The following TBC1D32 variants were observed in gnomAD, a reference collection of about 807,000 sequenced individuals.
TBC1D32 encodes the protein protein broad-minded.
In TBC1D32, 151 loss-of-function variants were observed where a neutral mutation model predicts 170.3. The observed-to-expected ratio is 0.89, with a 90% CI of 0.78 to 1.01. The LOEUF (loss-of-function observed/expected upper bound fraction) is 1.01. Among genes scored for constraint, TBC1D32 ranks in the 50% least tolerant of loss-of-function variants. The pLI, the probability that TBC1D32 is intolerant of heterozygous loss-of-function variation, is 0.00. For synonymous variants in TBC1D32, 498 were observed against 488.0 expected (o/e 1.02, Z -0.27); for missense variants, 1,464 against 1,457.1 (o/e 1.00, Z -0.08).
intron 11 of TBC1D32, 114 bp from the exon 12 acceptor site, chr6:121,292,307 T>C: frequency 1.9e-6 from 2 of 1,079,598 alleles, no homozygotes; most frequent in Non-Finnish European, 2.6e-6. Context: ...GAGACATTAC[T>C]GGTCAAAAAT....
At chr6:121,103,443 A>G (rs568508927) in intron 30 of TBC1D32, among the ~76,000 whole-genome samples, 2,189 of 152,030 alleles carry the variant, frequency 0.014, 68 homozygotes, top group African/African-American at 0.05. Context: ...AGGGACATGG[A>G]TGAAGCTGGA....
chr6:121,205,042 A>G, intron 22 of TBC1D32, 33 bp downstream of exon 22: 2 of 1,258,504 alleles, frequency 1.6e-6, no homozygotes, highest in East Asian at 2.5e-5. Flanking sequence ...GGAACATAAA[A>G]TATAATATCA....
At chr6:121,161,376 C>T (rs1462973496) in intron 22 of TBC1D32, among the ~76,000 whole-genome samples, 2 of 152,122 alleles carry the variant, frequency 1.3e-5, no homozygotes, top group Non-Finnish European at 1.5e-5. Context: ...TAACAGGCCC[C>T]AGTGTGTGTT....
At chr6:121,160,682 G>A (rs1054830338) in intron 23 of TBC1D32, among the ~76,000 whole-genome samples, 3 of 152,076 alleles carry the variant, frequency 2.0e-5, no homozygotes, top group Non-Finnish European at 4.4e-5. Flanking sequence ...AGGCGCATAA[G>A]AAAAATAACT....
At chr6:121,195,008 C>T (rs1248235427) in intron 22 of TBC1D32, among the ~76,000 whole-genome samples, 1 of 152,214 alleles carries the variant, frequency 6.6e-6, no homozygotes, top group East Asian at 1.9e-4. Flanking sequence ...GATATTACTT[C>T]TAAAGTGAAG....
chr6:121,271,120 A>C (rs532224031), intron 15 of TBC1D32, among the ~76,000 whole-genome samples: 65 of 152,316 alleles, frequency 4.3e-4, no homozygotes, highest in Admixed American at 1.2e-3. Flanking sequence ...TCTCAAAATA[A>C]TAAGAGCTAT....
intron 22 of TBC1D32, among the ~76,000 whole-genome samples, chr6:121,198,925 A>G (rs1791185484): frequency 6.6e-6 from 1 of 151,412 alleles, no homozygotes; most frequent in Non-Finnish European, 1.5e-5. Context: ...AAAAGAGAAT[A>G]AAGTCACTGA....
rs559481542 is a variant in TBC1D32, at chr6:121,267,640, G to A, written c.1734-11355C>T. ...TGGAAAGCTTGAACTGGAGCCCACCGTAGCTCAAGGAGGCCTGCCTGCCTC... is the reference window on the plus strand; with the variant it reads ...TGGAAAGCTTGAACTGGAGCCCACCATAGCTCAAGGAGGCCTGCCTGCCTC... On this transcript the variant is annotated intron_variant, in intron 15 of 31. Transcript: ENST00000398212. Among the ~76,000 whole-genome samples the A allele has an allele frequency of 2.1e-3, 327 of 152,252 alleles. 1 individual carries two copies. Among genetic ancestry groups the A allele is most frequent in the African/African-American group, 7.4e-3 (309 of 41,556 alleles).
intron 26 of TBC1D32, among the ~76,000 whole-genome samples, chr6:121,122,465 C>T (rs1282272739): frequency 1.3e-5 from 2 of 151,876 alleles, no homozygotes; most frequent in African/African-American, 4.8e-5. Flanking sequence ...CCTTTCTAGC[C>T]ATATTAGTCT....
At chr6:121,171,967 G>A (rs1008908388) in intron 22 of TBC1D32, among the ~76,000 whole-genome samples, 1 of 152,068 alleles carries the variant, frequency 6.6e-6, no homozygotes, top group African/African-American at 2.4e-5. Context: ...AAGCATGGAG[G>A]AGGGAGAAAA....
At chr6:121,099,782 A>G (rs1289873436) in intron 30 of TBC1D32, among the ~76,000 whole-genome samples, 1 of 151,944 alleles carries the variant, frequency 6.6e-6, no homozygotes, top group Non-Finnish European at 1.5e-5. Flanking sequence ...TTTTTACATT[A>G]CCTTAAAAGA....
rs553266678 is a variant in TBC1D32, at chr6:121,118,761, C to T, written c.2984-3520G>A. On this transcript the variant is annotated intron_variant, in intron 26 of 31. Coordinates refer to ENST00000398212, the MANE Select transcript of TBC1D32 (RefSeq NM_152730.6). ...AGGAATCAACGGACTACATTTCTTC[C>T]TCCCTGCTTCCTTTCCCAAAGTCAG... Among the ~76,000 whole-genome samples, 387 of 152,242 alleles carry T rather than the reference C, an allele frequency of 2.5e-3. 2 individuals carry two copies. Among genetic ancestry groups the T allele is most frequent in the African/African-American group, 8.6e-3 (356 of 41,558 alleles).
At chr6:121,218,722 GCTGA>G (rs1207769414) in intron 21 of TBC1D32, among the ~76,000 whole-genome samples, 6 of 152,170 alleles carry the variant, frequency 3.9e-5, no homozygotes, top group East Asian at 1.9e-4. Context: ...TCTAAAGAAC[GCTGA>G]CTAATACACC....
At chr6:121,306,484 A>C (rs77960066) in intron 5 of TBC1D32, among the ~76,000 whole-genome samples, 2,955 of 152,244 alleles carry the variant, frequency 0.019, 35 homozygotes, top group Non-Finnish European at 0.03. Flanking sequence ...GTAGATACTC[A>C]ATATATATTT....
intron 21 of TBC1D32, among the ~76,000 whole-genome samples, chr6:121,216,831 T>C (rs772010702): frequency 2.0e-5 from 3 of 152,200 alleles, no homozygotes; most frequent in Non-Finnish European, 4.4e-5. Flanking sequence ...TTGAGAGTTT[T>C]ATCTCCTGCA....
At chr6:121,138,910 T>C (rs1471720830) in intron 24 of TBC1D32, among the ~76,000 whole-genome samples, 2 of 151,482 alleles carry the variant, frequency 1.3e-5, no homozygotes, top group Admixed American at 6.6e-5. Flanking sequence ...AGTAGAGCAA[T>C]CTCGGCTCAC....
At chr6:121,281,405 A>AT in intron 14 of TBC1D32, 139 bp downstream of exon 14, 1 of 525,958 alleles carries the variant, frequency 1.9e-6, no homozygotes, top group East Asian at 3.6e-5. Context: ...AATAAATAAA[A>AT]ATATATATCA....
At chr6:121,127,398 T>C (rs573181404) in intron 25 of TBC1D32, among the ~76,000 whole-genome samples, 2 of 152,254 alleles carry the variant, frequency 1.3e-5, no homozygotes, top group African/African-American at 4.8e-5. Flanking sequence ...AATGAAATGA[T>C]TTTATTCATT....
At chr6:121,160,582 C>CAA (rs1384062906) in intron 23 of TBC1D32, among the ~76,000 whole-genome samples, 2 of 151,248 alleles carry the variant, frequency 1.3e-5, no homozygotes, top group East Asian at 2.0e-4. Flanking sequence ...GAGAGGTACT[C>CAA]AATGTTTCCA....
Sources: allele counts gnomAD v4.1 joint callset (sites outside exome capture counted in the v4.1 genomes callset), GRCh38; gene constraint gnomAD v4.1.1; transcripts MANE v1.5; gene names NCBI Gene and HGNC (gene_info 2026-07-23, HGNC 2026-07-21).